The following ADGRA3 variants were observed in gnomAD, a reference collection of about 807,000 sequenced individuals.
ADGRA3 encodes the protein adhesion G protein-coupled receptor A3.
A neutral mutation model predicts 119.8 loss-of-function variants in ADGRA3; 56 were observed. The observed-to-expected ratio is 0.47, with a 90% CI of 0.38 to 0.58. The LOEUF (loss-of-function observed/expected upper bound fraction) is 0.58, where lower values mean the gene tolerates loss of function less well. Ranked by LOEUF, ADGRA3 falls within the 20% of genes least tolerant of loss-of-function variation. The probability of loss-of-function intolerance (pLI) is 0.00; values close to 1 mark genes in which losing one functional copy is unlikely to be tolerated. For missense variants in ADGRA3, 1,516 were observed against 1,649.0 expected, an observed-to-expected ratio of 0.92 and a Z score of 1.40; for synonymous variants, 607 against 623.8, an observed-to-expected ratio of 0.97 and a Z score of 0.40.
chr4:22,431,764 G>C (rs1054746124), intron 10 of ADGRA3, among the ~76,000 whole-genome samples: 8 of 152,022 alleles, frequency 5.3e-5, no homozygotes, highest in South Asian at 2.1e-4. Context: ...TAACACAATG[G>C]GTAAATAATT....
At chr4:22,476,292 T>C (rs987458553) in intron 1 of ADGRA3, among the ~76,000 whole-genome samples, 3 of 152,042 alleles carry the variant, frequency 2.0e-5, no homozygotes, top group Non-Finnish European at 4.4e-5. Context: ...TCCCAAACAG[T>C]ATCCATCCTG....
At chr4:22,389,430 T>C (rs565686100) in intron 17 of ADGRA3, among the ~76,000 whole-genome samples, 1 of 152,276 alleles carries the variant, frequency 6.6e-6, no homozygotes, top group South Asian at 2.1e-4. Flanking sequence ...GCTGATCGGC[T>C]TCTGCCACCT....
chr4:22,450,108 G>A (rs767069289), intron 4 of ADGRA3, among the ~76,000 whole-genome samples: 13 of 151,980 alleles, frequency 8.6e-5, no homozygotes, highest in Non-Finnish European at 7.4e-5. Flanking sequence ...CATTACAATC[G>A]CAGTCTAGCT....
chr4:22,403,084 C>T (rs1418018211), intron 14 of ADGRA3, among the ~76,000 whole-genome samples: 2 of 152,064 alleles, frequency 1.3e-5, no homozygotes, highest in Admixed American at 1.3e-4. Flanking sequence ...AATCAGCCCC[C>T]TACATTTAGG....
chr4:22,408,033 A>C lies in ADGRA3; in HGVS notation c.2232+5149T>G, dbSNP rs961760572. 5.3e-5 allele frequency among the ~76,000 whole-genome samples: 8 copies of C among 152,088 alleles called. No homozygotes were observed. In the East Asian group the frequency reaches 5.8e-4, roughly 11 times the overall value. On this transcript the variant is annotated intron_variant, in intron 14 of 18. Coordinates refer to ENST00000334304, the MANE Select transcript of ADGRA3 (RefSeq NM_145290.4). ...ATAGATTGAAATCAGAAATGTAAAAAAACAAAAATGTTAAAAGACGACTAT... is the reference window on the plus strand; with the variant it reads ...ATAGATTGAAATCAGAAATGTAAAACAACAAAAATGTTAAAAGACGACTAT...
chr4:22,399,929 T>C (rs894654756), intron 16 of ADGRA3, among the ~76,000 whole-genome samples: 1 of 152,220 alleles, frequency 6.6e-6, no homozygotes, highest in Non-Finnish European at 1.5e-5. Flanking sequence ...TGACCTATTA[T>C]ATCTTTCCAT....
chr4:22,483,090 T>C (rs1431381828), intron 1 of ADGRA3, among the ~76,000 whole-genome samples: 1 of 152,240 alleles, frequency 6.6e-6, no homozygotes, highest in Non-Finnish European at 1.5e-5. Context: ...CTCATAGCTG[T>C]GACACAGTCT....
intron 4 of ADGRA3, among the ~76,000 whole-genome samples, chr4:22,449,918 C>T (rs978323264): frequency 3.9e-5 from 6 of 151,904 alleles, no homozygotes; most frequent in African/African-American, 1.5e-4. Flanking sequence ...TAGATATTTC[C>T]CTTGGAAATC....
At position 22,420,937 on chromosome 4, in the gene ADGRA3, C is replaced by T; in HGVS notation, c.1758G>A (p.Gln586=). ...RRDPEGNLDK[Q]LSFKCNVSNT... is the part of the protein sequence containing the mutation. Reference sequence around the variant, plus strand: ...TTGAAACATTGCACTTAAAGCTCAGCTGCTTATCCAGGTTTCCCTCTGGAT... The same window carrying T: ...TTGAAACATTGCACTTAAAGCTCAGTTGCTTATCCAGGTTTCCCTCTGGAT... Residue 586 remains glutamine (Q), a synonymous_variant, in exon 12 of 19, where the codon CAG becomes CAA. Coordinates refer to ENST00000334304, the MANE Select transcript of ADGRA3 (RefSeq NM_145290.4). 1 of 1,614,122 alleles carries T rather than the reference C, an allele frequency of 6.2e-7. No homozygotes were observed.
chr4:22,416,558 C>T (rs1241132585), intron 12 of ADGRA3, among the ~76,000 whole-genome samples: 1 of 152,016 alleles, frequency 6.6e-6, no homozygotes, highest in Non-Finnish European at 1.5e-5. Context: ...GGGATCAGGA[C>T]CATGACAAGC....
intron 1 of ADGRA3, among the ~76,000 whole-genome samples, chr4:22,491,295 C>A (rs1365327467): frequency 6.6e-6 from 1 of 152,030 alleles, no homozygotes; most frequent in Non-Finnish European, 1.5e-5. Flanking sequence ...GCTTTGCAGG[C>A]CAAGAGGCAA....
At chr4:22,513,001 A>T (rs955424856) in intron 1 of ADGRA3, among the ~76,000 whole-genome samples, 1 of 152,176 alleles carries the variant, frequency 6.6e-6, no homozygotes, top group Non-Finnish European at 1.5e-5. Context: ...CTCTGATGCT[A>T]CTATGAGAAT....
chr4:22,388,009 C>T lies in ADGRA3; in HGVS notation c.3662G>A (p.Arg1221Gln), dbSNP rs140656046. 1,483 of 1,614,090 alleles carry T rather than the reference C, an allele frequency of 9.2e-4. 11 individuals are homozygous for T. In the Admixed American group the frequency reaches 0.016, roughly 17 times the overall value. ...CTCTCTGTAGGCTAAATAAGCTCTT[C>T]GGCTCCTCGAGTGTCCTTCGTTATT... ...LGNNEGHSRS[R>Q]RAYLAYRERQ... The change falls in exon 19 of 19, where the codon CGA becomes CAA. Residue 1221 changes from arginine to glutamine, a missense_variant. This residue lies in a region of ADGRA3 where 1,088 missense variants were observed against 1,107.1 expected (regional missense o/e 0.98). Coordinates refer to ENST00000334304, the MANE Select transcript of ADGRA3 (RefSeq NM_145290.4).
At chr4:22,406,823 A>T (rs554495097) in intron 14 of ADGRA3, among the ~76,000 whole-genome samples, 3 of 152,258 alleles carry the variant, frequency 2.0e-5, no homozygotes, top group Non-Finnish European at 2.9e-5. Context: ...CCAAGAGGCA[A>T]ATTAAAGCTG....
Position 22,413,642 on chromosome 4 carries a change from T to C in ADGRA3, c.1982A>G (p.Lys661Arg). 1 of 1,614,022 alleles carries C rather than the reference T, an allele frequency of 6.2e-7. No individual in the cohort carries two copies. Among genetic ancestry groups the C allele is most frequent in the South Asian group, 1.1e-5 (1 of 91,088 alleles). ...CACAGGGGTAACCACAGTACGTCGTTTTCCATCATCAGCCAAATTTGTTGA... is the reference window on the plus strand; with the variant it reads ...CACAGGGGTAACCACAGTACGTCGTCTTCCATCATCAGCCAAATTTGTTGA... ...GNSTNLADDG[K>R]RRTVVTPVIL... Residue 661 changes from lysine to arginine, a missense_variant, in exon 13 of 19, where the codon AAA becomes AGA. Lys to Arg is a conservative substitution (Grantham distance 26). Coordinates refer to ENST00000334304, the MANE Select transcript of ADGRA3 (RefSeq NM_145290.4).
chr4:22,398,631 T>C (rs1714471682), intron 16 of ADGRA3, among the ~76,000 whole-genome samples: 1 of 152,180 alleles, frequency 6.6e-6, no homozygotes, highest in Admixed American at 6.6e-5. Flanking sequence ...TAGTGATTTT[T>C]ACCTTTATTA....
At chr4:22,412,687 C>T (rs1715255544) in intron 14 of ADGRA3, among the ~76,000 whole-genome samples, 1 of 152,120 alleles carries the variant, frequency 6.6e-6, no homozygotes, top group African/African-American at 2.4e-5. Context: ...ACTGAAAAGA[C>T]ATTCTTTGTG....
intron 14 of ADGRA3, among the ~76,000 whole-genome samples, chr4:22,408,990 A>G (rs58086648): frequency 0.73 from 110,739 of 151,994 alleles, 40,659 homozygotes; most frequent in Non-Finnish European, 0.77. Context: ...ATGTAATGAC[A>G]GGAAAGAACC....
At chr4:22,500,640 TAAC>T (rs771317320) in intron 1 of ADGRA3, among the ~76,000 whole-genome samples, 12 of 152,190 alleles carry the variant, frequency 7.9e-5, no homozygotes, top group African/African-American at 2.2e-4. Flanking sequence ...AGCAAGACAA[TAAC>T]AACAACAACA....
Sources: allele counts gnomAD v4.1 joint callset (sites outside exome capture counted in the v4.1 genomes callset), GRCh38; gene constraint gnomAD v4.1.1; regional missense constraint gnomAD v4.1.1; transcripts MANE v1.5; gene names NCBI Gene and HGNC (gene_info 2026-07-23, HGNC 2026-07-21).